The following DLG5 variants were observed in gnomAD, a reference collection of about 807,000 sequenced individuals.
DLG5 encodes disks large homolog 5.
DLG5 carries 48 observed loss-of-function variants against 189.8 expected under a neutral mutation model. That is an observed-to-expected ratio of 0.25 (90% CI 0.20 to 0.32). The LOEUF is 0.32. Among genes scored for constraint, DLG5 ranks in the 10% least tolerant of loss-of-function variants. The probability of loss-of-function intolerance (pLI) is 1.00; values close to 1 mark genes in which losing one functional copy is unlikely to be tolerated. For missense variants in DLG5, 2,160 were observed against 2,544.7 expected (o/e 0.85, Z 3.25); for synonymous variants, 1,016 against 1,054.1 (o/e 0.96, Z 0.70).
At chr10:77,846,669 C>T (rs1259184297) in intron 5 of DLG5, 1 of 456,028 alleles carries the variant, frequency 2.2e-6, no homozygotes, top group Non-Finnish European at 4.4e-6. Context: ...TGCACCCCAG[C>T]CTTGGCGACA....
intron 9 of DLG5, among the ~76,000 whole-genome samples, chr10:77,831,276 G>A (rs1246128860): frequency 1.3e-5 from 2 of 152,094 alleles, no homozygotes; most frequent in African/African-American, 2.4e-5. Flanking sequence ...GTGGTGGCAT[G>A]TGCCTGTAAC....
At chr10:77,929,234 G>A (rs1168426533), upstream of DLG5, 1 of 152,030 alleles carries the variant, frequency 6.6e-6, no homozygotes, top group African/African-American at 2.4e-5. Flanking sequence ...TAGACACAGG[G>A]TCTTGCCACA....
chr10:77,827,496 G>A (rs1226967989), intron 13 of DLG5, among the ~76,000 whole-genome samples: 3 of 152,182 alleles, frequency 2.0e-5, no homozygotes, highest in African/African-American at 7.2e-5. Flanking sequence ...AAAGTGCCAT[G>A]ATTACGGGCG....
chr10:77,806,736 C>T, intron 26 of DLG5, 22 bp downstream of exon 26: 1 of 1,591,500 alleles, frequency 6.3e-7, no homozygotes. Flanking sequence ...CCCACCCCAC[C>T]CCAGGCCCGG....
At position 77,792,300 on chromosome 10, in the gene DLG5, G is replaced by A; in HGVS notation, c.*140C>T. The A allele has an allele frequency of 1.2e-6, 1 of 816,864 alleles. No homozygotes were observed. The allele number at this position is 816,864 out of a possible 1,614,324, so 50.6% of individuals were successfully genotyped here. On this transcript the variant is annotated 3_prime_UTR_variant, in exon 32 of 32. Coordinates refer to ENST00000372391, the MANE Select transcript of DLG5 (RefSeq NM_004747.4). ...GCCGTGGCCCTCTGTCTACAAAGGA[G>A]GTGCTTCTGGGTCCTGGTTCCGGAT... is the stretch of plus-strand genomic sequence containing the variant.
chr10:77,923,542 T>C (rs1846597469), intron 1 of DLG5, among the ~76,000 whole-genome samples: 1 of 152,208 alleles, frequency 6.6e-6, no homozygotes, highest in Non-Finnish European at 1.5e-5. Flanking sequence ...GCAGATCGCT[T>C]GAGCTCAGGA....
At chr10:77,936,446 C>CAAAAAAAAA in the DLG5 span, among the ~76,000 whole-genome samples, 4 of 52,122 alleles carry the variant, frequency 7.7e-5, no homozygotes, top group Non-Finnish European at 9.8e-5. Context: ...CAAAACAAAA[C>CAAAAAAAAA]AAAAAAAAAA....
intron 31 of DLG5, chr10:77,792,898 T>C: frequency 3.5e-6 from 1 of 285,102 alleles, no homozygotes; most frequent in South Asian, 4.5e-5. Flanking sequence ...AGGAGCCAGA[T>C]AGCTCATGGC....
chr10:77,858,825 T>C (rs1353703041), intron 2 of DLG5, among the ~76,000 whole-genome samples: 1 of 152,188 alleles, frequency 6.6e-6, no homozygotes, highest in Admixed American at 6.5e-5. Flanking sequence ...AATAAGGATA[T>C]AAAGAAAGAA....
At chr10:77,817,709 A>G (rs1298689983) in intron 18 of DLG5, 68 bp downstream of exon 18, 1 of 1,395,520 alleles carries the variant, frequency 7.2e-7, no homozygotes, top group Non-Finnish European at 9.9e-7. Flanking sequence ...AGATCTGGAC[A>G]TTAGGATGCA....
At chr10:77,934,967 C>A in the DLG5 span, among the ~76,000 whole-genome samples, 1 of 151,576 alleles carries the variant, frequency 6.6e-6, no homozygotes. Context: ...ATGCCATTCT[C>A]CTGCCTCAGC....
intron 1 of DLG5, among the ~76,000 whole-genome samples, chr10:77,910,987 G>GA (rs55832630): frequency 0.024 from 2,016 of 84,000 alleles, 59 homozygotes; most frequent in African/African-American, 0.065. Flanking sequence ...CTGTCTGAAG[G>GA]AAAAAAAAAA....
Position 77,856,805 on chromosome 10 carries a change from C to T in DLG5, c.461G>A (p.Arg154Gln), listed in dbSNP as rs377293103. The change falls in exon 3 of 32, where the codon CGG (arginine) becomes CAG (glutamine). Residue 154 changes from arginine (R) to glutamine (Q), a missense_variant. This residue lies in a region of DLG5 where 664 missense variants were observed against 838.5 expected (regional missense o/e 0.79). Transcript: ENST00000372391. ...CTCGTTTCTCTCCCGGGTCATCAGC[C>T]GCAGCTGAATGGAGAGGTTCTCCAC... ...EKVENLSIQL[R>Q]LMTRERNELR... The T allele has an allele frequency of 3.3e-5, 54 of 1,613,386 alleles. No homozygotes were observed. The highest frequency in any genetic ancestry group is 1.1e-4 in the South Asian group (10 of 91,018).
rs79662661 is a variant in DLG5, at chr10:77,918,652, T to C, written c.304+7565A>G. 3.4e-3 allele frequency among the ~76,000 whole-genome samples: 513 copies of C among 152,026 alleles called. 9 individuals are homozygous for C. The highest frequency in any genetic ancestry group is 0.023 in the Admixed American group (357 of 15,252). Reference sequence around the variant, plus strand: ...TGGAACGCAGTCTCAAAAAGATCAATAGAGATACACCGTTCAGAGGAATGC... The same window carrying C: ...TGGAACGCAGTCTCAAAAAGATCAACAGAGATACACCGTTCAGAGGAATGC... On this transcript the variant is annotated intron_variant, in intron 1 of 31. Transcript: ENST00000372391.
intron 20 of DLG5, among the ~76,000 whole-genome samples, chr10:77,814,749 AT>A (rs1245966850): frequency 1.3e-5 from 2 of 151,458 alleles, no homozygotes; most frequent in Non-Finnish European, 2.9e-5. Context: ...TAATTTTTGT[AT>A]TTTTAGTAGA....
chr10:77,829,044 C>T, intron 12 of DLG5, 59 bp from the exon 13 acceptor site: 2 of 1,542,148 alleles, frequency 1.3e-6, no homozygotes, highest in Admixed American at 1.7e-5. Context: ...CCCTGGGTCA[C>T]CCTACCTCAT....
intron 27 of DLG5, among the ~76,000 whole-genome samples, chr10:77,803,499 C>T (rs187725381): frequency 2.0e-5 from 3 of 152,142 alleles, no homozygotes; most frequent in East Asian, 1.9e-4. Flanking sequence ...TAAACTGTGC[C>T]AAAGATAACC....
chr10:77,865,765 T>C (rs1023332560), intron 2 of DLG5, among the ~76,000 whole-genome samples: 1 of 152,082 alleles, frequency 6.6e-6, no homozygotes, highest in Non-Finnish European at 1.5e-5. Context: ...TGTGTGTGCT[T>C]AGCTGATGAA....
At chr10:77,893,466 G>A (rs571856707) in intron 1 of DLG5, among the ~76,000 whole-genome samples, 10 of 152,366 alleles carry the variant, frequency 6.6e-5, no homozygotes, top group African/African-American at 9.6e-5. Context: ...AGAGGCCATC[G>A]ATAGTGTCTG....
Sources: allele counts gnomAD v4.1 joint callset (sites outside exome capture counted in the v4.1 genomes callset), GRCh38; gene constraint gnomAD v4.1.1; regional missense constraint gnomAD v4.1.1; transcripts MANE v1.5; gene names NCBI Gene and HGNC (gene_info 2026-07-23, HGNC 2026-07-21).